BLOC1S6: variants seen among roughly 807,000 people sequenced by gnomAD.
BLOC1S6 encodes the protein biogenesis of lysosomal organelles complex 1 subunit 6, also known as biogenesis of lysosome-related organelles complex 1 subunit 6.
A neutral mutation model predicts 24.7 loss-of-function variants in BLOC1S6; 24 were observed. The observed-to-expected ratio is 0.97, with a 90% CI of 0.70 to 1.37. The LOEUF (loss-of-function observed/expected upper bound fraction) is 1.37. Ranked by LOEUF, BLOC1S6 falls within the 40% of genes most tolerant of loss-of-function variation. The pLI is 0.00. For missense variants in BLOC1S6, 175 were observed against 196.2 expected, an observed-to-expected ratio of 0.89 and a Z score of 0.64; for synonymous variants, 76 against 72.6, an observed-to-expected ratio of 1.05 and a Z score of -0.23.
intron 4 of BLOC1S6, 21 bp downstream of exon 4, chr15:45,605,535 C>A (rs1386981558): frequency 2.7e-6 from 4 of 1,465,892 alleles, no homozygotes; most frequent in Non-Finnish European, 3.8e-6. Context: ...AATTCTTTCA[C>A]ATTCTTTACA....
rs944318534 is a variant in BLOC1S6, at chr15:45,608,054, T to C, written c.*1540T>C. The C allele has an allele frequency of 6.6e-6, 1 of 152,636 alleles. No homozygotes were observed. The highest frequency in any genetic ancestry group is 1.5e-5 in the Non-Finnish European group (1 of 68,046). 9.5% of individuals were successfully genotyped at this position (152,636 alleles called of 1,614,324 possible). ...TCTCCAATCTCCATTACATAGGGAC[T>C]GTACAGAGCCTGTGAAGATGTATGA... On this transcript the variant is annotated 3_prime_UTR_variant, in exon 5 of 5. Coordinates refer to ENST00000220531, the MANE Select transcript of BLOC1S6 (RefSeq NM_012388.4).
chr15:45,587,968 C>A (rs1476732657), intron 1 of BLOC1S6: 1 of 576,282 alleles, frequency 1.7e-6, no homozygotes. Context: ...TCTTCTCGAC[C>A]GAGTTCCAGG....
chr15:45,606,558 T>C lies in BLOC1S6; in HGVS notation c.*44T>C, dbSNP rs1041545595. ...TTTCTTCTCCTGTCCCATATTTGGG[T>C]TATGATGACTCAAGTGTAGACTGAA... On this transcript the variant is annotated 3_prime_UTR_variant, in exon 5 of 5. Transcript: ENST00000220531. The C allele has an allele frequency of 3.1e-6, 5 of 1,613,934 alleles. No homozygotes were observed. The highest frequency in any genetic ancestry group is 1.7e-5 in the Admixed American group (1 of 60,016).
At chr15:45,599,550 CATTT>C (rs1458831909) in intron 2 of BLOC1S6, 1 of 124,908 alleles carries the variant, frequency 8.0e-6, no homozygotes, top group Non-Finnish European at 1.6e-5. Flanking sequence ...CAAAAGAAGA[CATTT>C]ATGCAGCCAA....
chr15:45,587,456 G>T lies in BLOC1S6; in HGVS notation c.13G>T (p.Gly5Trp). The T allele has an allele frequency of 6.3e-7, 1 of 1,579,558 alleles. No homozygotes were observed. The highest frequency in any genetic ancestry group is 8.6e-7 in the Non-Finnish European group (1 of 1,162,088). ...CAGCTGGAGGGACATGAGTGTCCCTGGGCCGTCGTCTCCGGACGGGGCCCT... is the reference window on the plus strand; with the variant it reads ...CAGCTGGAGGGACATGAGTGTCCCTTGGCCGTCGTCTCCGGACGGGGCCCT... MSVP[G>W]PSSPDGALTR... Residue 5 changes from glycine to tryptophan, a missense_variant, in exon 1 of 5, where the codon GGG (glycine) becomes TGG (tryptophan). Transcript: ENST00000220531.
intron 2 of BLOC1S6, among the ~76,000 whole-genome samples, chr15:45,593,991 TA>T (rs1229434199): frequency 6.6e-6 from 1 of 152,176 alleles, no homozygotes; most frequent in African/African-American, 2.4e-5. Context: ...TAAGGAAAGG[TA>T]AACAAATTTC....
rs75415643 is a variant in BLOC1S6 at position 45,587,870 on chromosome 15, C to A, written c.82+345C>A. Reference sequence around the variant, plus strand: ...CCAGAAAGATGATCAGCTTATAATTCAGAGAGGTGACGTATCCTATAATAT... The same window carrying A: ...CCAGAAAGATGATCAGCTTATAATTAAGAGAGGTGACGTATCCTATAATAT... On this transcript the variant is annotated intron_variant, in intron 1 of 4. Transcript: ENST00000220531. The A allele has an allele frequency of 7.5e-6, 5 of 662,256 alleles. No homozygotes were observed. In the East Asian group the frequency reaches 1.3e-4, roughly 18 times the overall value. 41.0% of individuals were successfully genotyped at this position (662,256 alleles called of 1,614,324 possible). A position where few individuals can be genotyped will look rare whatever the true frequency, so the allele number is the denominator to read the frequency against.
intron 2 of BLOC1S6, among the ~76,000 whole-genome samples, chr15:45,592,945 A>G (rs1445175358): frequency 6.6e-6 from 1 of 152,158 alleles, no homozygotes; most frequent in Non-Finnish European, 1.5e-5. Flanking sequence ...TCAGCTTTAC[A>G]CTGGCTATAA....
chr15:45,602,846 A>T (rs184601770), intron 2 of BLOC1S6, among the ~76,000 whole-genome samples: 30 of 152,340 alleles, frequency 2.0e-4, no homozygotes, highest in African/African-American at 7.2e-4. Context: ...AACAAGTAAT[A>T]AAATACTTTT....
At chr15:45,605,573 G>GTT (rs368442198) in intron 4 of BLOC1S6, 59 bp downstream of exon 4, 5,645 of 808,738 alleles carry the variant, frequency 7.0e-3, no homozygotes, top group Non-Finnish European at 8.0e-3. Flanking sequence ...GTTTTTTGTT[G>GTT]TTTTTTTTTT....
At chr15:45,595,924 C>T (rs1164347549) in intron 2 of BLOC1S6, among the ~76,000 whole-genome samples, 4 of 152,124 alleles carry the variant, frequency 2.6e-5, no homozygotes, top group Non-Finnish European at 4.4e-5. Context: ...TCTCCTGACT[C>T]AGCCTCCTGA....
In BLOC1S6 at chr15:45,606,626, C is replaced by A; in HGVS notation, c.*112C>A. Reference sequence around the variant, plus strand: ...TGCCATTATGTCATATGTTGAAATCCTTATTCCGGTATTACTGTGTCTCCA... The same window carrying A: ...TGCCATTATGTCATATGTTGAAATCATTATTCCGGTATTACTGTGTCTCCA... On this transcript the variant is annotated 3_prime_UTR_variant, in exon 5 of 5. Transcript: ENST00000220531. The A allele has an allele frequency of 6.8e-7, 1 of 1,468,010 alleles. No homozygotes were observed. Among genetic ancestry groups the A allele is most frequent in the Non-Finnish European group, 9.5e-7 (1 of 1,051,678 alleles). The allele number at this position is 1,468,010 out of a possible 1,614,324, so 90.9% of individuals were successfully genotyped here.
chr15:45,603,729 C>T (rs936688500), intron 3 of BLOC1S6, among the ~76,000 whole-genome samples: 8 of 151,916 alleles, frequency 5.3e-5, no homozygotes, highest in African/African-American at 1.9e-4. Flanking sequence ...AACAAACAAA[C>T]AAAAAGAGCG....
intron 3 of BLOC1S6, 90 bp from the exon 4 acceptor site, chr15:45,605,338 A>C: frequency 1.9e-6 from 2 of 1,064,708 alleles, no homozygotes; most frequent in Admixed American, 4.4e-5. Flanking sequence ...TTTAGGAAGC[A>C]CAAACTATCA....
chr15:45,591,196 C>T (rs1346056179), intron 1 of BLOC1S6, among the ~76,000 whole-genome samples: 1 of 152,182 alleles, frequency 6.6e-6, no homozygotes. Context: ...GAAAATCCCT[C>T]TTCTCCTCCC....
At chr15:45,601,200 T>C (rs1019815351) in intron 2 of BLOC1S6, 18 of 154,538 alleles carry the variant, frequency 1.2e-4, no homozygotes, top group African/African-American at 3.8e-4. Context: ...AAATATCTTA[T>C]TGTGCTGTAC....
In BLOC1S6 at chr15:45,606,338, G is replaced by T. The variant is rs917539669; in HGVS notation, c.400-57G>T. The T allele has an allele frequency of 2.5e-6, 4 of 1,604,980 alleles. No homozygotes were observed. In the Admixed American group the frequency reaches 6.7e-5, roughly 27 times the overall value. ...CAGAGCACTGTTATTTTCAAATTAG[G>T]CTAAACCTGTAACCCCTGATTGCTC... On this transcript the variant is annotated intron_variant, in intron 4 of 4. Coordinates refer to ENST00000220531, the MANE Select transcript of BLOC1S6 (RefSeq NM_012388.4).
intron 1 of BLOC1S6, chr15:45,587,737 T>C: frequency 2.8e-6 from 2 of 706,174 alleles, no homozygotes; most frequent in Non-Finnish European, 5.2e-6. Context: ...AGCTTTGTAT[T>C]GGGGGTGCAA....
In BLOC1S6 at chr15:45,609,308, T is replaced by A. The variant is rs1489483231; in HGVS notation, c.*2794T>A. 6.6e-6 allele frequency: 1 copy of A among 151,606 alleles called. No homozygotes were observed. Among genetic ancestry groups the A allele is most frequent in the African/African-American group, 2.4e-5 (1 of 40,922 alleles). The allele number at this position is 151,606 out of a possible 1,614,324, so 9.4% of individuals were successfully genotyped here. A position where few individuals can be genotyped will look rare whatever the true frequency, so the allele number is the denominator to read the frequency against. ...CTGAACTCCAGCCCGTATGACAGAG[T>A]GAGACCCTGTTTCTAAAAACAAAAC... On this transcript the variant is annotated 3_prime_UTR_variant, in exon 5 of 5. Coordinates refer to ENST00000220531, the MANE Select transcript of BLOC1S6 (RefSeq NM_012388.4).
Sources: gnomAD v4.1 joint callset for allele counts (sites outside exome capture counted in the v4.1 genomes callset) on GRCh38, gnomAD v4.1.1 for gene constraint, MANE v1.5 for transcripts, NCBI Gene and HGNC (gene_info 2026-07-23, HGNC 2026-07-21) for gene names.